The following CBFA2T3 variants were observed in gnomAD, a reference collection of about 807,000 sequenced individuals.
CBFA2T3 encodes the protein CBFA2/RUNX1 partner transcriptional co-repressor 3.
In CBFA2T3, 31 loss-of-function variants were observed where a neutral mutation model predicts 58.6. The ratio of observed to expected loss-of-function variants is 0.53; its 90% CI spans 0.40 to 0.71. The LOEUF (loss-of-function observed/expected upper bound fraction) is 0.71. Ranked by LOEUF, CBFA2T3 falls within the 30% of genes least tolerant of loss-of-function variation. The pLI, the probability that CBFA2T3 is intolerant of heterozygous loss-of-function variation, is 0.00. For missense variants in CBFA2T3, 1,076 were observed against 963.1 expected (o/e 1.12, Z -1.55); for synonymous variants, 531 against 421.9 (o/e 1.26, Z -3.17).
chr16:88,909,257 C>T (rs1597712291), intron 1 of CBFA2T3, among the ~76,000 whole-genome samples: 1 of 152,338 alleles, frequency 6.6e-6, no homozygotes, highest in Middle Eastern at 3.4e-3. Flanking sequence ...AGGACGGGCT[C>T]TGGACCCAGA....
chr16:88,878,257 A>T (rs1296305456), intron 11 of CBFA2T3, among the ~76,000 whole-genome samples: 1 of 152,184 alleles, frequency 6.6e-6, no homozygotes, highest in Non-Finnish European at 1.5e-5. Context: ...CAGCTCTGTG[A>T]GAGTTGTGCC....
rs1968977712 is a variant in CBFA2T3 at position 88,879,464 on chromosome 16, C to T, written c.1472-4G>A. The T allele has an allele frequency of 1.2e-6, 2 of 1,608,024 alleles. No homozygotes were observed. Among genetic ancestry groups the T allele is most frequent in the East Asian group, 2.2e-5 (1 of 44,722 alleles). ...TTCACCTCATTCACGGCCTCTTCTG[C>T]AAAGGACATGGGCAGGGCTGGCGGT... is the stretch of plus-strand genomic sequence containing the variant. On this transcript the variant is annotated splice_polypyrimidine_tract_variant and splice_region_variant and intron_variant, in intron 10 of 11. Transcript: ENST00000268679.
intron 1 of CBFA2T3, among the ~76,000 whole-genome samples, chr16:88,931,204 C>T (rs946953288): frequency 2.6e-5 from 4 of 152,064 alleles, no homozygotes; most frequent in Non-Finnish European, 5.9e-5. Flanking sequence ...CCCAGGGGCC[C>T]TGCTCCTGTC....
Position 88,898,139 on chromosome 16 carries a change from C to A in CBFA2T3, c.318G>T (p.Gly106=). The change falls in exon 3 of 12, where the codon GGG becomes GGT. Residue 106 remains glycine, a synonymous_variant. Transcript: ENST00000268679. ...AACGGCCGTGGGGCAGCGTCGCAGGCCCGTCCTCTCGATCTGTAAGCAAAA... is the reference window on the plus strand; with the variant it reads ...AACGGCCGTGGGGCAGCGTCGCAGGACCGTCCTCTCGATCTGTAAGCAAAA... The part of the protein sequence containing the change: ...SFTPHTHRED[G]PATLPHGRFH... 1.9e-6 allele frequency: 3 copies of A among 1,612,588 alleles called. No individual in the cohort carries two copies. Among genetic ancestry groups the A allele is most frequent in the Non-Finnish European group, 1.7e-6 (2 of 1,179,398 alleles).
At chr16:88,882,926 G>T (rs1969188164) in intron 7 of CBFA2T3, among the ~76,000 whole-genome samples, 165 bp from the exon 8 acceptor site, 2 of 152,258 alleles carry the variant, frequency 1.3e-5, no homozygotes, top group African/African-American at 4.8e-5. Flanking sequence ...CGTGGAGGAT[G>T]CCTGGGTTAC....
intron 1 of CBFA2T3, among the ~76,000 whole-genome samples, chr16:88,920,552 T>A (rs1203250722): frequency 1.3e-5 from 2 of 152,064 alleles, no homozygotes; most frequent in African/African-American, 4.8e-5. Context: ...CTCAAAGTGC[T>A]GGGATTACAG....
intron 1 of CBFA2T3, among the ~76,000 whole-genome samples, chr16:88,966,172 C>T (rs1001757721): frequency 6.6e-6 from 1 of 152,236 alleles, no homozygotes; most frequent in Non-Finnish European, 1.5e-5. Flanking sequence ...TCACTCTGCT[C>T]ACTGGCCTGC....
At chr16:88,927,081 G>T (rs1304139595) in intron 1 of CBFA2T3, among the ~76,000 whole-genome samples, 1 of 152,188 alleles carries the variant, frequency 6.6e-6, no homozygotes, top group South Asian at 2.1e-4. Context: ...CCCTTGGTGG[G>T]GCAACATCAT....
chr16:88,909,385 G>A (rs1246196258), intron 1 of CBFA2T3, among the ~76,000 whole-genome samples: 1 of 142,206 alleles, frequency 7.0e-6, no homozygotes, highest in Admixed American at 7.1e-5. Context: ...TGCAATGGGG[G>A]TGAGGGTTGA....
intron 1 of CBFA2T3, among the ~76,000 whole-genome samples, chr16:88,923,468 C>T (rs1214721956): frequency 6.6e-6 from 1 of 152,250 alleles, no homozygotes; most frequent in African/African-American, 2.4e-5. Context: ...ATGTTACCCG[C>T]CACATCCACT....
In CBFA2T3 at chr16:88,881,287, G is replaced by A. The variant is rs770381912; in HGVS notation, c.1402+4C>T. The A allele has an allele frequency of 1.3e-5, 21 of 1,591,668 alleles. 1 individual carries two copies. The highest frequency in any genetic ancestry group is 1.7e-4 in the Middle Eastern group (1 of 6,014). ...TGCTCCCTCCCCCCACACCCCACAC[G>A]CACCTAGCTGAGGCCCTTCGGGACC... is the stretch of plus-strand genomic sequence containing the variant. On this transcript the variant is annotated splice_donor_region_variant and intron_variant, in intron 9 of 11. Transcript: ENST00000268679.
At chr16:88,920,463 T>TA (rs1489729565) in intron 1 of CBFA2T3, among the ~76,000 whole-genome samples, 9 of 147,676 alleles carry the variant, frequency 6.1e-5, no homozygotes, top group African/African-American at 2.0e-4. Context: ...TTTTTTTTTT[T>TA]AAATAGAGAC....
rs561794702 is a variant in CBFA2T3, at chr16:88,953,321, G to C, written c.151+23336C>G. Among the ~76,000 whole-genome samples, 24 of 152,340 alleles carry C rather than the reference G, an allele frequency of 1.6e-4. No individual in the cohort carries two copies. The highest frequency in any genetic ancestry group is 4.1e-4 in the African/African-American group (17 of 41,582). ...GACAGGCACACAGCCAGTGGTGAAG[G>C]TTCACGGAAGAACGAAGGAAGGAGT... On this transcript the variant is annotated intron_variant, in intron 1 of 11. Coordinates refer to ENST00000268679, the MANE Select transcript of CBFA2T3 (RefSeq NM_005187.6). The surrounding 1 kb of genome is among the most constrained non-coding windows in gnomAD (Gnocchi z 4.9).
At chr16:88,895,110 G>A (rs1468784853) in intron 3 of CBFA2T3, among the ~76,000 whole-genome samples, 2 of 152,138 alleles carry the variant, frequency 1.3e-5, no homozygotes, top group Non-Finnish European at 2.9e-5. Context: ...TCTGGGCTGC[G>A]TCCCCACAGC....
In CBFA2T3 at chr16:88,875,939, G is replaced by A. The variant is rs1211951176; in HGVS notation, c.*1037C>T. 3.9e-5 allele frequency: 9 copies of A among 233,126 alleles called. No individual in the cohort carries two copies. The highest frequency in any genetic ancestry group is 5.9e-5 in the Non-Finnish European group (7 of 117,934). The allele number at this position is 233,126 out of a possible 1,614,324, so 14.4% of individuals were successfully genotyped here. On this transcript the variant is annotated 3_prime_UTR_variant, in exon 12 of 12. Transcript: ENST00000268679. ...GGCACACGGACCACGCACACGCGGC[G>A]GACGCACCAACGCCTACGCAGAAGA...
At chr16:88,883,002 G>T (rs1023890206) in intron 7 of CBFA2T3, among the ~76,000 whole-genome samples, 12 of 152,248 alleles carry the variant, frequency 7.9e-5, no homozygotes, top group Admixed American at 2.6e-4. Flanking sequence ...TCCAAGGGAG[G>T]GTTCAGTCTC....
chr16:88,942,066 A>T (rs1026601604), intron 1 of CBFA2T3, among the ~76,000 whole-genome samples: 1 of 152,064 alleles, frequency 6.6e-6, no homozygotes, highest in Non-Finnish European at 1.5e-5. Context: ...TCCCGGGGCC[A>T]GGTCATTTGC....
intron 2 of CBFA2T3, among the ~76,000 whole-genome samples, chr16:88,899,667 T>C (rs1970024749): frequency 6.6e-6 from 1 of 152,182 alleles, no homozygotes; most frequent in South Asian, 2.1e-4. Flanking sequence ...CAGAGGCTGC[T>C]GGTCCCCAGG....
At chr16:88,910,662 C>T (rs1457041552) in intron 1 of CBFA2T3, among the ~76,000 whole-genome samples, 1 of 152,220 alleles carries the variant, frequency 6.6e-6, no homozygotes, top group Non-Finnish European at 1.5e-5. Flanking sequence ...CTCTGTGCCA[C>T]TCTCTGGTGC....
Sources: gnomAD v4.1 joint callset for allele counts (sites outside exome capture counted in the v4.1 genomes callset) on GRCh38, gnomAD v4.1.1 for gene constraint, Gnocchi (gnomAD v3.1) non-coding constraint, MANE v1.5 for transcripts, NCBI Gene and HGNC (gene_info 2026-07-23, HGNC 2026-07-21) for gene names.